VPS33B: variants seen among roughly 807,000 people sequenced by gnomAD.
The protein encoded by VPS33B is VPS33B late endosome and lysosome associated.
A neutral mutation model predicts 95.3 loss-of-function variants in VPS33B; 80 were observed. The observed-to-expected ratio is 0.84, with a 90% CI of 0.70 to 1.01. VPS33B has a LOEUF of 1.01. Ranked by LOEUF, VPS33B falls within the 50% of genes least tolerant of loss-of-function variation. The pLI, the probability that VPS33B is intolerant of heterozygous loss-of-function variation, is 0.00. For synonymous variants in VPS33B, 280 were observed against 280.4 expected (o/e 1.00, Z 0.01); for missense variants, 715 against 773.4 (o/e 0.92, Z 0.90).
chr15:91,022,466 C>T lies in VPS33B; in HGVS notation c.-217G>A. ...TCGGAGCAGCCTTGTCTCAGACCTG[C>T]AGCCACCGTGTCTCGACCCTCCCTC... On this transcript the variant is annotated 5_prime_UTR_variant, in exon 1 of 23. Transcript: ENST00000333371. 1 of 494,092 alleles carries T rather than the reference C, an allele frequency of 2.0e-6. No homozygotes were observed. Among genetic ancestry groups the T allele is most frequent in the Non-Finnish European group, 3.6e-6 (1 of 274,772 alleles). The allele number at this position is 494,092 out of a possible 1,614,324, so 30.6% of individuals were successfully genotyped here. A position where few individuals can be genotyped will look rare whatever the true frequency, so the allele number is the denominator to read the frequency against.
chr15:91,001,348 A>G, intron 19 of VPS33B, 41 bp downstream of exon 19: 2 of 1,461,560 alleles, frequency 1.4e-6, no homozygotes, highest in Middle Eastern at 1.7e-4. Context: ...CCACAATGGA[A>G]TGAACCCACT....
Position 91,006,910 on chromosome 15 carries a change from C to T in VPS33B, c.700+40G>A. 1 of 1,613,114 alleles carries T rather than the reference C, an allele frequency of 6.2e-7. No homozygotes were observed. Among genetic ancestry groups the T allele is most frequent in the Non-Finnish European group, 8.5e-7 (1 of 1,179,142 alleles). On this transcript the variant is annotated intron_variant, in intron 9 of 22. Coordinates refer to ENST00000333371, the MANE Select transcript of VPS33B (RefSeq NM_018668.5). The surrounding 1 kb of genome is among the most constrained non-coding windows in gnomAD (Gnocchi z 5.4). ...CACGCCTTCCATATTCCCGTGTCTT[C>T]TAGGGCTGAAAGATGACAGGAACGC...
rs2040465570 is a variant in VPS33B at position 91,002,420 on chromosome 15, C to T, written c.1273-238G>A. ...CCAGGGCAGGCAGATCACTTGAGGT[C>T]AGGAGTTTGAGACCAGCCTGGCCAA... On this transcript the variant is annotated intron_variant, in intron 17 of 22. Transcript: ENST00000333371. This position sits in a 1 kb window ranked among gnomAD's most constrained non-coding sequence, Gnocchi z 4.7. Among the ~76,000 whole-genome samples the T allele has an allele frequency of 6.6e-6, 1 of 152,086 alleles. No individual in the cohort carries two copies. Among genetic ancestry groups the T allele is most frequent in the African/African-American group, 2.4e-5 (1 of 41,420 alleles).
rs2151685144 is a variant in VPS33B at position 91,018,418 on chromosome 15, A to C, written c.97-533T>G. On this transcript the variant is annotated intron_variant, in intron 1 of 22. Coordinates refer to ENST00000333371, the MANE Select transcript of VPS33B (RefSeq NM_018668.5). The surrounding 1 kb of genome is among the most constrained non-coding windows in gnomAD (Gnocchi z 4.7). ...TCCTGCACCACCACTCCTGACACCG[A>C]TCTCAATGTCTGTTCAGAGGAAGGA... 6.6e-6 allele frequency among the ~76,000 whole-genome samples: 1 copy of C among 152,278 alleles called. No individual in the cohort carries two copies. Among genetic ancestry groups the C allele is most frequent in the African/African-American group, 2.4e-5 (1 of 41,554 alleles).
At chr15:91,021,267 T>C (rs1364860863) in intron 1 of VPS33B, among the ~76,000 whole-genome samples, 1 of 152,218 alleles carries the variant, frequency 6.6e-6, no homozygotes, top group African/African-American at 2.4e-5. Context: ...AATAACTAAA[T>C]GATTACACAA....
rs1352039466 is a variant in VPS33B at position 91,009,515 on chromosome 15, C to G, written c.403+286G>C. Reference sequence around the variant, plus strand: ...AGAGATGGGGTTTCACCATGTTGCCCAGGCTGGACTCAAACTCCTGACCTC... The same window carrying G: ...AGAGATGGGGTTTCACCATGTTGCCGAGGCTGGACTCAAACTCCTGACCTC... On this transcript the variant is annotated intron_variant, in intron 6 of 22. Transcript: ENST00000333371. The surrounding 1 kb of genome is among the most constrained non-coding windows in gnomAD (Gnocchi z 4.1). Among the ~76,000 whole-genome samples the G allele has an allele frequency of 3.9e-5, 6 of 152,090 alleles. No individual in the cohort carries two copies. Among genetic ancestry groups the G allele is most frequent in the African/African-American group, 1.4e-4 (6 of 41,384 alleles).
rs889457681 is a variant in VPS33B at position 91,010,941 on chromosome 15, T to C, written c.358-1095A>G. 5.3e-5 allele frequency among the ~76,000 whole-genome samples: 8 copies of C among 151,956 alleles called. No homozygotes were observed. The highest frequency in any genetic ancestry group is 2.0e-4 in the Admixed American group (3 of 15,254). ...GATGAGGAAGCAGAAGCAGTGACAA[T>C]AGAACATTCTTCACAGAAGCCTGGC... On this transcript the variant is annotated intron_variant, in intron 5 of 22. Coordinates refer to ENST00000333371, the MANE Select transcript of VPS33B (RefSeq NM_018668.5). This position sits in a 1 kb window ranked among gnomAD's most constrained non-coding sequence, Gnocchi z 5.7.
chr15:91,003,218 C>T, intron 16 of VPS33B, 87 bp from the exon 17 acceptor site: 1 of 1,281,684 alleles, frequency 7.8e-7, no homozygotes, highest in Non-Finnish European at 1.1e-6. Context: ...CAACGAACGC[C>T]TTCTTCAGGA....
At chr15:91,021,081 C>T (rs1357745347) in intron 1 of VPS33B, among the ~76,000 whole-genome samples, 2 of 152,108 alleles carry the variant, frequency 1.3e-5, no homozygotes, top group Non-Finnish European at 2.9e-5. Flanking sequence ...CCCCATCAAA[C>T]CTGTTCCTTT....
intron 3 of VPS33B, among the ~76,000 whole-genome samples, chr15:91,016,544 T>C (rs2151682614): frequency 6.6e-6 from 1 of 151,928 alleles, no homozygotes; most frequent in South Asian, 2.1e-4. Flanking sequence ...CCACCACACC[T>C]GGCTAATTTT....
chr15:91,015,841 A>T lies in VPS33B; in HGVS notation c.239+1122T>A, dbSNP rs2040908783. On this transcript the variant is annotated intron_variant, in intron 3 of 22. Transcript: ENST00000333371. This position sits in a 1 kb window ranked among gnomAD's most constrained non-coding sequence, Gnocchi z 4.7. ...TGAGACCCTGTCTCTGAAAATAAAT[A>T]AATTTAATTAAAAAAATTTAAATAT... is the stretch of plus-strand genomic sequence containing the variant. Among the ~76,000 whole-genome samples the T allele has an allele frequency of 6.6e-6, 1 of 152,054 alleles. No homozygotes were observed.
chr15:91,019,263 G>A (rs2041037300), intron 1 of VPS33B, among the ~76,000 whole-genome samples: 2 of 151,406 alleles, frequency 1.3e-5, no homozygotes, highest in Non-Finnish European at 1.5e-5. Flanking sequence ...GATTATAGGC[G>A]CATGCCACCA....
chr15:91,017,043 A>G lies in VPS33B; in HGVS notation c.178-19T>C. 2 of 1,613,196 alleles carry G rather than the reference A, an allele frequency of 1.2e-6. No homozygotes were observed. The highest frequency in any genetic ancestry group is 1.7e-6 in the Non-Finnish European group (2 of 1,179,366). The stretch of plus-strand genomic sequence containing the variant: ...CGTGTTGCTACAGAGAGAATCCAAT[A>G]AGACAATGGACATAAGAGTGCCTGA... On this transcript the variant is annotated intron_variant, in intron 2 of 22. Coordinates refer to ENST00000333371, the MANE Select transcript of VPS33B (RefSeq NM_018668.5).
chr15:90,998,609 G>A (rs2151660585), downstream of VPS33B: 2 of 360,184 alleles, frequency 5.6e-6, no homozygotes, highest in African/African-American at 2.1e-5. This position sits in a 1 kb window ranked among gnomAD's most constrained non-coding sequence, Gnocchi z 4.8. Context: ...GGAAGCCCCT[G>A]TAGCAAGCTC....
In VPS33B at chr15:91,007,796, G is replaced by A; in HGVS notation, c.498+74C>T. The A allele has an allele frequency of 7.2e-7, 1 of 1,388,394 alleles. No homozygotes were observed. The highest frequency in any genetic ancestry group is 1.2e-5 in the South Asian group (1 of 86,254). The allele number at this position is 1,388,394 out of a possible 1,614,324, so 86.0% of individuals were successfully genotyped here. The stretch of plus-strand genomic sequence containing the variant: ...ACTTGCGTTGGACAAAGGTTATATT[G>A]GTATTTCTAGCCCTCTGCATCCCAC... On this transcript the variant is annotated intron_variant, in intron 7 of 22. Transcript: ENST00000333371. The surrounding 1 kb of genome is among the most constrained non-coding windows in gnomAD (Gnocchi z 5.3).
chr15:90,999,953 T>C lies in VPS33B; in HGVS notation c.1604A>G (p.Gln535Arg). Residue 535 changes from glutamine (Q) to arginine (R), a missense_variant, in exon 21 of 23, where the codon CAG (glutamine) becomes CGG (arginine). Gln to Arg is a conservative substitution (Grantham distance 43). Transcript: ENST00000333371. This position sits in a 1 kb window ranked among gnomAD's most constrained non-coding sequence, Gnocchi z 5.1. ...IEQVLERRSWQGLDEVVRLLN... is the reference protein window; with the variant it reads ...IEQVLERRSWRGLDEVVRLLN... The stretch of plus-strand genomic sequence containing the variant: ...CAGCCGTACCACCTCATCAAGGCCC[T>C]GCCAGCTTCGCCGCTCTAGCACCTG... The C allele has an allele frequency of 1.2e-6, 2 of 1,614,230 alleles. No homozygotes were observed. The highest frequency in any genetic ancestry group is 1.7e-6 in the Non-Finnish European group (2 of 1,180,030).
At chr15:91,014,101 C>T (rs1437054018) in intron 4 of VPS33B, among the ~76,000 whole-genome samples, 1 of 151,940 alleles carries the variant, frequency 6.6e-6, no homozygotes, top group African/African-American at 2.4e-5. Flanking sequence ...CACCTGTAAT[C>T]CCAGCTACTT....
In VPS33B at chr15:90,999,049, T is replaced by C. The variant is rs868354713; in HGVS notation, c.1780A>G (p.Arg594Gly). ...LRFLGREKGY[R>G]FIFLTTAVTN... ...ACTGCTGTCGTCAGGAAAATGAACC[T>C]GTAGCCTAAGGAGTCAAATGCAGCA... Residue 594 changes from arginine (R) to glycine (G), a missense_variant, in exon 23 of 23, where the codon AGG becomes GGG. Coordinates refer to ENST00000333371, the MANE Select transcript of VPS33B (RefSeq NM_018668.5). The surrounding 1 kb of genome is among the most constrained non-coding windows in gnomAD (Gnocchi z 5.1). 4.3e-5 allele frequency: 69 copies of C among 1,614,030 alleles called. No homozygotes were observed. The Middle Eastern group carries it at 6.7e-3, about 158-fold the overall frequency.
Position 90,999,112 on chromosome 15 carries a change from AC to A in VPS33B, c.1775-59del. ...GCACAGATCTTAGGCCCCAACGGCA[AC>A]CCATAGAGCCTCTCCAGTTCCACAG... On this transcript the variant is annotated intron_variant, in intron 22 of 22. Transcript: ENST00000333371. The surrounding 1 kb of genome is among the most constrained non-coding windows in gnomAD (Gnocchi z 5.1). The A allele has an allele frequency of 6.5e-7, 1 of 1,540,096 alleles. No homozygotes were observed. Among genetic ancestry groups the A allele is most frequent in the Admixed American group, 1.7e-5 (1 of 57,308 alleles).
Sources: allele counts gnomAD v4.1 joint callset (sites outside exome capture counted in the v4.1 genomes callset), GRCh38; gene constraint gnomAD v4.1.1; non-coding constraint Gnocchi (gnomAD v3.1); transcripts MANE v1.5; gene names NCBI Gene and HGNC (gene_info 2026-07-23, HGNC 2026-07-21).